The following NRG2 variants were observed in gnomAD, a reference collection of about 807,000 sequenced individuals.
NRG2 encodes pro-neuregulin-2, membrane-bound isoform.
A neutral mutation model predicts 73.9 loss-of-function variants in NRG2; 27 were observed. That is an observed-to-expected ratio of 0.37 (90% CI 0.27 to 0.50). The LOEUF (loss-of-function observed/expected upper bound fraction) is 0.50, where lower values mean the gene tolerates loss of function less well. Ranked by LOEUF, NRG2 falls within the 20% of genes least tolerant of loss-of-function variation. The pLI is 0.96. For synonymous variants in NRG2, 532 were observed against 541.0 expected (o/e 0.98, Z 0.23); for missense variants, 1,126 against 1,210.1 (o/e 0.93, Z 1.03).
intron 1 of NRG2, among the ~76,000 whole-genome samples, chr5:139,899,650 G>T (rs965305366): frequency 6.6e-6 from 1 of 152,204 alleles, no homozygotes. Context: ...CACACTGCAA[G>T]CTCCTTGTGA....
intron 3 of NRG2, 122 bp from the exon 4 acceptor site, chr5:139,871,963 G>A: frequency 7.3e-7 from 1 of 1,367,150 alleles, no homozygotes; most frequent in South Asian, 1.4e-5. Context: ...AATGACTGGG[G>A]AGGGGAGGTC....
chr5:139,965,289 A>G (rs550344449), intron 1 of NRG2, among the ~76,000 whole-genome samples: 1 of 152,348 alleles, frequency 6.6e-6, no homozygotes, highest in African/African-American at 2.4e-5. Flanking sequence ...GTCAGGGGAC[A>G]GTACCCCAGA....
intron 1 of NRG2, among the ~76,000 whole-genome samples, chr5:139,961,723 C>T (rs1427067653): frequency 2.6e-5 from 4 of 152,186 alleles, no homozygotes; most frequent in Non-Finnish European, 4.4e-5. Flanking sequence ...CCCCTGCTCC[C>T]TGCTGAGAGC....
chr5:139,871,379 G>C (rs1314674766), intron 4 of NRG2, among the ~76,000 whole-genome samples: 1 of 152,146 alleles, frequency 6.6e-6, no homozygotes, highest in African/African-American at 2.4e-5. Flanking sequence ...GAGAGACTGA[G>C]GGAGGCAGAG....
In NRG2 at chr5:140,029,792, C is replaced by T. The variant is rs571250903; in HGVS notation, c.700+12578G>A. On this transcript the variant is annotated intron_variant, in intron 1 of 9. Transcript: ENST00000361474. ...AAATTGAGAGGAGAACCAAGGACAACCCCTAAGGGACTGTACCCTCTACAA... is the reference window on the plus strand; with the variant it reads ...AAATTGAGAGGAGAACCAAGGACAATCCCTAAGGGACTGTACCCTCTACAA... Among the ~76,000 whole-genome samples, 8 of 152,004 alleles carry T rather than the reference C, an allele frequency of 5.3e-5. 2 individuals are homozygous for T. The South Asian group carries it at 1.2e-3, about 24-fold the overall frequency.
chr5:139,993,649 T>C (rs901224914), intron 1 of NRG2, among the ~76,000 whole-genome samples: 1 of 152,266 alleles, frequency 6.6e-6, no homozygotes, highest in African/African-American at 2.4e-5. Flanking sequence ...GTAAGCTTCA[T>C]GCAAGTCTTG....
intron 1 of NRG2, among the ~76,000 whole-genome samples, chr5:139,960,373 G>C (rs949453114): frequency 2.0e-5 from 3 of 152,096 alleles, no homozygotes; most frequent in Non-Finnish European, 4.4e-5. Context: ...AAATTAGCTG[G>C]GCACAGTGGC....
At chr5:140,029,341 T>C (rs1237286863) in intron 1 of NRG2, among the ~76,000 whole-genome samples, 3 of 152,216 alleles carry the variant, frequency 2.0e-5, no homozygotes, top group African/African-American at 4.8e-5. Context: ...TTTCCACTAA[T>C]GACAGACATG....
At chr5:139,959,032 G>A (rs1346278777) in intron 1 of NRG2, among the ~76,000 whole-genome samples, 2 of 152,190 alleles carry the variant, frequency 1.3e-5, no homozygotes, top group Admixed American at 6.5e-5. Context: ...AAATGCTGCA[G>A]GGCAGACTGG....
At chr5:139,935,109 A>T (rs1323116362) in intron 1 of NRG2, among the ~76,000 whole-genome samples, 3 of 152,214 alleles carry the variant, frequency 2.0e-5, no homozygotes, top group Non-Finnish European at 2.9e-5. Flanking sequence ...AGAAGTTGGC[A>T]GTGAGCCGAG....
chr5:139,895,365 G>A (rs1039325484), intron 1 of NRG2, among the ~76,000 whole-genome samples: 7 of 152,252 alleles, frequency 4.6e-5, no homozygotes, highest in Non-Finnish European at 8.8e-5. Context: ...GGATGAGGAG[G>A]TTGTCACCTA....
At chr5:139,983,646 T>C (rs1756970029) in intron 1 of NRG2, among the ~76,000 whole-genome samples, 1 of 152,238 alleles carries the variant, frequency 6.6e-6, no homozygotes, top group Admixed American at 6.5e-5. Flanking sequence ...CGCAATTTCA[T>C]TAAATTTTCA....
intron 1 of NRG2, among the ~76,000 whole-genome samples, chr5:140,040,653 A>G (rs1184622841): frequency 6.6e-6 from 1 of 152,180 alleles, no homozygotes; most frequent in African/African-American, 2.4e-5. Context: ...CAACAACCAA[A>G]CAGAAGCTGT....
intron 1 of NRG2, among the ~76,000 whole-genome samples, chr5:140,004,506 G>C (rs987980196): frequency 6.6e-6 from 1 of 152,172 alleles, no homozygotes; most frequent in Middle Eastern, 3.2e-3. Context: ...TCACCAGTAA[G>C]ATGCCCTCGG....
chr5:140,014,267 C>T (rs1300226604), intron 1 of NRG2, among the ~76,000 whole-genome samples: 2 of 152,046 alleles, frequency 1.3e-5, no homozygotes, highest in South Asian at 2.1e-4. Flanking sequence ...GACAGAGTCT[C>T]GCTCTGTTGC....
chr5:140,030,807 T>C (rs2126689970), intron 1 of NRG2, among the ~76,000 whole-genome samples: 1 of 152,302 alleles, frequency 6.6e-6, no homozygotes, highest in South Asian at 2.1e-4. Context: ...TTTCTTAGCA[T>C]TGGCCTGAAT....
At chr5:139,960,232 G>A (rs991967657) in intron 1 of NRG2, among the ~76,000 whole-genome samples, 9 of 152,138 alleles carry the variant, frequency 5.9e-5, no homozygotes, top group East Asian at 5.8e-4. Context: ...TTATGGCATC[G>A]GGCCAGGCCC....
At chr5:139,957,962 C>T (rs1345411601) in intron 1 of NRG2, among the ~76,000 whole-genome samples, 1 of 152,068 alleles carries the variant, frequency 6.6e-6, no homozygotes, top group Non-Finnish European at 1.5e-5. Context: ...CTGCAAGGGC[C>T]AGCACTTCTG....
chr5:139,980,553 G>A (rs1356416837), intron 1 of NRG2, among the ~76,000 whole-genome samples: 2 of 152,112 alleles, frequency 1.3e-5, no homozygotes, highest in African/African-American at 4.8e-5. Context: ...CATTCCCCTG[G>A]CAGATATCCT....
Sources: gnomAD v4.1 joint callset for allele counts (sites outside exome capture counted in the v4.1 genomes callset) on GRCh38, gnomAD v4.1.1 for gene constraint, MANE v1.5 for transcripts, NCBI Gene and HGNC (gene_info 2026-07-23, HGNC 2026-07-21) for gene names.